The following NFAT5 variants were observed in gnomAD, a reference collection of about 807,000 sequenced individuals.
NFAT5 encodes nuclear factor of activated T cells 5, also known as nuclear factor of activated T-cells 5.
In NFAT5, 31 loss-of-function variants were observed where a neutral mutation model predicts 166.5. The ratio of observed to expected loss-of-function variants is 0.19; its 90% CI spans 0.14 to 0.25. NFAT5 has a LOEUF of 0.25. Ranked by LOEUF, NFAT5 falls within the 10% of genes least tolerant of loss-of-function variation. NFAT5 has a pLI of 1.00. For synonymous variants in NFAT5, 612 were observed against 639.7 expected (o/e 0.96, Z 0.65); for missense variants, 1,449 against 1,821.8 (o/e 0.80, Z 3.72).
At chr16:69,639,357 C>G (rs1327598841) in intron 3 of NFAT5, among the ~76,000 whole-genome samples, 1 of 151,970 alleles carries the variant, frequency 6.6e-6, no homozygotes, top group South Asian at 2.1e-4. Flanking sequence ...TCAGGGAGCA[C>G]TCTTTAGTAA....
Position 69,698,236 on chromosome 16 carries a change from A to AT in NFAT5, c.*1889dup, listed in dbSNP as rs1271083504. 1 of 152,364 alleles carries AT rather than the reference A, an allele frequency of 6.6e-6. No individual in the cohort carries two copies. Among genetic ancestry groups the AT allele is most frequent in the Non-Finnish European group, 1.5e-5 (1 of 67,996 alleles). 9.4% of individuals were successfully genotyped at this position (152,364 alleles called of 1,614,324 possible). ...AAAGAGACCTACTCTGGGTCATTTA[A>AT]TTTTGAATACAGTTTTCAATCGTTC... On this transcript the variant is annotated 3_prime_UTR_variant, in exon 15 of 15. Coordinates refer to ENST00000349945, the MANE Select transcript of NFAT5 (RefSeq NM_138713.4).
intron 2 of NFAT5, among the ~76,000 whole-genome samples, chr16:69,596,423 A>C (rs1392459435): frequency 6.6e-6 from 1 of 151,896 alleles, no homozygotes; most frequent in Non-Finnish European, 1.5e-5. Flanking sequence ...AGCTAGTCTT[A>C]AAAAAAGAAA....
intron 3 of NFAT5, among the ~76,000 whole-genome samples, chr16:69,626,859 T>G (rs2034481672): frequency 6.6e-6 from 1 of 152,124 alleles, no homozygotes; most frequent in Non-Finnish European, 1.5e-5. Flanking sequence ...ATATTTGAGT[T>G]TCTGTTTAAT....
intron 10 of NFAT5, 139 bp downstream of exon 10, chr16:69,677,474 T>A (rs1457615514): frequency 4.5e-6 from 3 of 669,382 alleles, no homozygotes; most frequent in Non-Finnish European, 7.1e-6. Context: ...GGAAATGACA[T>A]TATTTTCTAA....
At chr16:69,624,122 G>GACAA (rs2034334122) in intron 2 of NFAT5, among the ~76,000 whole-genome samples, 7 of 152,152 alleles carry the variant, frequency 4.6e-5, no homozygotes. Flanking sequence ...TATTCTGACA[G>GACAA]ATGCTGAATT....
Position 69,657,861 on chromosome 16 carries a change from G to A in NFAT5, c.1197-1866G>A, listed in dbSNP as rs1040715480. ...AGCACTTTGGGAGGCCGAGGCAGGC[G>A]GATCACGAGGTCAGGAGATCGAGAC... is the stretch of plus-strand genomic sequence containing the variant. On this transcript the variant is annotated intron_variant, in intron 6 of 14. Transcript: ENST00000349945. Among the ~76,000 whole-genome samples, 183 of 151,074 alleles carry A rather than the reference G, an allele frequency of 1.2e-3. 2 individuals carry two copies. The highest frequency in any genetic ancestry group is 1.8e-3 in the Non-Finnish European group (121 of 67,800).
At chr16:69,641,496 G>A (rs1340384383) in intron 3 of NFAT5, among the ~76,000 whole-genome samples, 1 of 151,658 alleles carries the variant, frequency 6.6e-6, no homozygotes, top group Non-Finnish European at 1.5e-5. Context: ...CAAATGTTAG[G>A]GATCAAATTT....
intron 9 of NFAT5, among the ~76,000 whole-genome samples, chr16:69,672,969 T>C (rs2036684322): frequency 6.6e-6 from 1 of 152,232 alleles, no homozygotes; most frequent in Non-Finnish European, 1.5e-5. Context: ...TGCTATTTTG[T>C]ATAGAACTTT....
At chr16:69,596,198 A>G (rs2032779079) in intron 2 of NFAT5, among the ~76,000 whole-genome samples, 1 of 152,232 alleles carries the variant, frequency 6.6e-6, no homozygotes, top group Admixed American at 6.5e-5. Context: ...TTAACATGTT[A>G]TGATAACAGG....
intron 2 of NFAT5, among the ~76,000 whole-genome samples, chr16:69,613,654 G>T (rs1031602306): frequency 2.6e-5 from 4 of 152,084 alleles, no homozygotes; most frequent in African/African-American, 4.8e-5. Flanking sequence ...TTGACTTCTG[G>T]TGTTACATCC....
intron 3 of NFAT5, among the ~76,000 whole-genome samples, chr16:69,636,740 T>TG (rs2151600425): frequency 6.6e-6 from 1 of 152,236 alleles, no homozygotes; most frequent in South Asian, 2.1e-4. Flanking sequence ...ACACACAGCA[T>TG]GGGGACCCTG....
At chr16:69,685,170 TTATATA>T (rs202010793) in intron 11 of NFAT5, 200 bp downstream of exon 11, 2,853 of 152,308 alleles carry the variant, frequency 0.019, 51 homozygotes, top group South Asian at 0.056. Flanking sequence ...GAATATGTTT[TTATATA>T]TATATATATA....
chr16:69,661,539 TAAAAAAAAAAAAA>T (rs1037382239), intron 7 of NFAT5, among the ~76,000 whole-genome samples: 1 of 37,934 alleles, frequency 2.6e-5, no homozygotes, highest in African/African-American at 1.2e-4. Context: ...CCCAGTCTCT[TAAAAAAAAAAAAA>T]AAAAAAAAAA....
chr16:69,590,889 G>A (rs910642163), intron 2 of NFAT5, among the ~76,000 whole-genome samples: 1 of 152,136 alleles, frequency 6.6e-6, no homozygotes, highest in African/African-American at 2.4e-5. Flanking sequence ...GGCACGATCT[G>A]GACCTTAATG....
intron 7 of NFAT5, among the ~76,000 whole-genome samples, chr16:69,662,017 G>A (rs2036166923): frequency 6.6e-6 from 1 of 152,076 alleles, no homozygotes. Flanking sequence ...GAGCCCAGGA[G>A]TTTCAGATTA....
intron 5 of NFAT5, among the ~76,000 whole-genome samples, 158 bp downstream of exon 5, chr16:69,653,586 T>C (rs2035761839): frequency 6.6e-6 from 1 of 151,466 alleles, no homozygotes; most frequent in South Asian, 2.1e-4. Context: ...TTTTTTTTTT[T>C]TTTTTTTGAG....
intron 3 of NFAT5, among the ~76,000 whole-genome samples, chr16:69,638,247 A>C (rs564283890): frequency 1.3e-5 from 2 of 152,054 alleles, no homozygotes; most frequent in African/African-American, 2.4e-5. Context: ...AACAACAAAA[A>C]CAAAAAACAA....
intron 12 of NFAT5, among the ~76,000 whole-genome samples, chr16:69,691,459 A>C (rs1437541587): frequency 6.6e-6 from 1 of 152,190 alleles, no homozygotes; most frequent in East Asian, 1.9e-4. Flanking sequence ...GAACCATAAA[A>C]TTACTGTGTT....
intron 9 of NFAT5, among the ~76,000 whole-genome samples, chr16:69,675,464 G>A (rs549518106): frequency 6.6e-6 from 1 of 152,264 alleles, no homozygotes; most frequent in East Asian, 1.9e-4. Context: ...ATCAATACCA[G>A]TGCGTTTTTT....
Sources: gnomAD v4.1 joint callset for allele counts (sites outside exome capture counted in the v4.1 genomes callset) on GRCh38, gnomAD v4.1.1 for gene constraint, MANE v1.5 for transcripts, NCBI Gene and HGNC (gene_info 2026-07-23, HGNC 2026-07-21) for gene names.